Variants in SOCS5 observed in about 807,000 individuals in gnomAD.
SOCS5 encodes suppressor of cytokine signaling 5.
In SOCS5, 32 loss-of-function variants were observed where a neutral mutation model predicts 42.8. The ratio of observed to expected loss-of-function variants is 0.75; its 90% CI spans 0.56 to 1.01. The LOEUF (loss-of-function observed/expected upper bound fraction) is 1.01. SOCS5 is among the 50% of genes least tolerant of loss of function. The pLI, the probability that SOCS5 is intolerant of heterozygous loss-of-function variation, is 0.00. For missense variants in SOCS5, 627 were observed against 653.0 expected (o/e 0.96, Z 0.43); for synonymous variants, 283 against 229.6 (o/e 1.23, Z -2.10).
At chr2:46,734,693 C>G (rs1160615096) in intron 1 of SOCS5, among the ~76,000 whole-genome samples, 1 of 152,014 alleles carries the variant, frequency 6.6e-6, no homozygotes. Flanking sequence ...TCCTGAACCC[C>G]TGTCCTCATC....
intron 1 of SOCS5, among the ~76,000 whole-genome samples, chr2:46,712,449 T>G (rs142465109): frequency 0.032 from 4,766 of 150,814 alleles, 128 homozygotes; most frequent in South Asian, 0.076. Context: ...GTTCAAGCGA[T>G]TCTTCTGCCT....
chr2:46,713,215 G>A (rs903523567), intron 1 of SOCS5, among the ~76,000 whole-genome samples: 2 of 152,082 alleles, frequency 1.3e-5, no homozygotes, highest in African/African-American at 4.8e-5. Flanking sequence ...AACTAGCCAG[G>A]CCTGGTGGCG....
At chr2:46,723,276 T>C (rs1239345060) in intron 1 of SOCS5, among the ~76,000 whole-genome samples, 1 of 152,104 alleles carries the variant, frequency 6.6e-6, no homozygotes, top group Non-Finnish European at 1.5e-5. Flanking sequence ...GAAAGTTTTA[T>C]AGGTTGGCAT....
At chr2:46,737,709 A>G (rs1243007672) in intron 1 of SOCS5, among the ~76,000 whole-genome samples, 1 of 152,176 alleles carries the variant, frequency 6.6e-6, no homozygotes, top group African/African-American at 2.4e-5. Context: ...ACGCTTTCCC[A>G]TTGAAGCTGA....
intron 1 of SOCS5, among the ~76,000 whole-genome samples, chr2:46,704,909 C>G (rs1457298989): frequency 6.6e-6 from 1 of 152,068 alleles, no homozygotes; most frequent in Admixed American, 6.5e-5. Flanking sequence ...TGAGGGTTGG[C>G]ACTTTCAACT....
intron 1 of SOCS5, among the ~76,000 whole-genome samples, chr2:46,721,429 T>G (rs1023948867): frequency 3.9e-5 from 6 of 152,278 alleles, no homozygotes; most frequent in African/African-American, 1.4e-4. Flanking sequence ...TTGTTATCAG[T>G]TTTTTAATTG....
At position 46,759,568 on chromosome 2, in the gene SOCS5, C is replaced by G. The variant is rs566148093; in HGVS notation, c.1038C>G (p.Asp346Glu). The G allele has an allele frequency of 4.3e-6, 7 of 1,613,960 alleles. No individual in the cohort carries two copies. The South Asian group carries it at 6.6e-5, about 15-fold the overall frequency. Residue 346 changes from aspartate (D) to glutamate (E), a missense_variant, in exon 2 of 2, where the codon GAC becomes GAG. Coordinates refer to ENST00000394861, the MANE Select transcript of SOCS5 (RefSeq NM_144949.3). ...RRQKQRQISG[D>E]SHTHVSRQGA... ...AGAAGCAGCGTCAGATATCTGGAGA[C>G]AGCCATACCCATGTTAGCAGACAGG...
At chr2:46,742,884 T>A (rs989058545) in intron 1 of SOCS5, among the ~76,000 whole-genome samples, 3 of 152,150 alleles carry the variant, frequency 2.0e-5, no homozygotes, top group Non-Finnish European at 4.4e-5. Flanking sequence ...CAGGCTAGTC[T>A]AGAACTCCTG....
chr2:46,747,246 G>C (rs1673523110), intron 1 of SOCS5, among the ~76,000 whole-genome samples: 1 of 151,734 alleles, frequency 6.6e-6, no homozygotes, highest in South Asian at 2.1e-4. Context: ...TTTGAGACAG[G>C]ATTTTGCTCT....
intron 1 of SOCS5, among the ~76,000 whole-genome samples, chr2:46,712,501 G>A (rs111508371): frequency 2.6e-5 from 4 of 152,042 alleles, no homozygotes; most frequent in African/African-American, 7.2e-5. Context: ...GTGCCACCAC[G>A]CCCAGATAAT....
intron 1 of SOCS5, among the ~76,000 whole-genome samples, chr2:46,742,517 CTTTG>C (rs1228829814): frequency 3.3e-5 from 5 of 151,976 alleles, no homozygotes; most frequent in Non-Finnish European, 5.9e-5. Flanking sequence ...TATCATTTAC[CTTTG>C]TTTATGACAT....
At chr2:46,714,527 G>A (rs755497092) in intron 1 of SOCS5, among the ~76,000 whole-genome samples, 2 of 152,090 alleles carry the variant, frequency 1.3e-5, no homozygotes, top group African/African-American at 2.4e-5. Context: ...TATACTTGAA[G>A]TGGATTTCTT....
In SOCS5 at chr2:46,759,884, G is replaced by A; in HGVS notation, c.1354G>A (p.Val452Ile). 1 of 1,614,132 alleles carries A rather than the reference G, an allele frequency of 6.2e-7. No homozygotes were observed. The highest frequency in any genetic ancestry group is 8.5e-7 in the Non-Finnish European group (1 of 1,180,014). ...HDPCVFHSST[V>I]TGLLEHYKDP... ...CCCGTGTGTATTTCACTCCTCCACT[G>A]TAACGGGACTTTTAGAACATTATAA... Residue 452 changes from valine to isoleucine, a missense_variant, in exon 2 of 2, where the codon GTA (valine) becomes ATA (isoleucine). By Grantham distance (29) the Val-to-Ile change is conservative. Around this residue, in one of 3 missense-constraint regions of SOCS5, gnomAD observed 340 missense variants for 367.6 expected, o/e 0.92. Coordinates refer to ENST00000394861, the MANE Select transcript of SOCS5 (RefSeq NM_144949.3).
intron 1 of SOCS5, among the ~76,000 whole-genome samples, chr2:46,736,037 T>TC (rs1022027586): frequency 6.6e-6 from 1 of 150,780 alleles, no homozygotes; most frequent in Non-Finnish European, 1.5e-5. Flanking sequence ...TACCTCTCTT[T>TC]CCCCCTCTCT....
rs1237947393 is a variant in SOCS5, at chr2:46,716,135, A to C, written c.-13+16686A>C. 4.2e-5 allele frequency among the ~76,000 whole-genome samples: 6 copies of C among 144,000 alleles called. No homozygotes were observed. In the East Asian group the frequency reaches 1.3e-3, roughly 30 times the overall value. 94.5% of individuals were successfully genotyped at this position (144,000 alleles called of 152,430 possible). A position where few individuals can be genotyped will look rare whatever the true frequency, so the allele number is the denominator to read the frequency against. ...CCTTTTTTTTTTTTTTAGTTCTAGA[A>C]GTTCTCTTACACATGTTTGGTTTCC... On this transcript the variant is annotated intron_variant, in intron 1 of 1. Transcript: ENST00000394861.
At chr2:46,721,445 AATTTTAC>A (rs1456102767) in intron 1 of SOCS5, among the ~76,000 whole-genome samples, 2 of 152,206 alleles carry the variant, frequency 1.3e-5, no homozygotes, top group Non-Finnish European at 2.9e-5. Context: ...AATTGCACCA[AATTTTAC>A]ATTTTAGCAT....
chr2:46,704,299 C>G (rs2103687529), intron 1 of SOCS5, among the ~76,000 whole-genome samples: 1 of 152,174 alleles, frequency 6.6e-6, no homozygotes, highest in South Asian at 2.1e-4. Context: ...TGAGCAGTAT[C>G]CTTGAGTTAG....
rs1267093802 is a variant in SOCS5 at position 46,761,185 on chromosome 2, A to C, written c.*1044A>C. On this transcript the variant is annotated 3_prime_UTR_variant, in exon 2 of 2. Coordinates refer to ENST00000394861, the MANE Select transcript of SOCS5 (RefSeq NM_144949.3). ...ATGGAAAATCTGAAACCTAAATTGC[A>C]GATTTAAAAGGTACTGTACAACCAT... 1.2e-5 allele frequency: 2 copies of C among 167,146 alleles called. No individual in the cohort carries two copies. The highest frequency in any genetic ancestry group is 4.8e-5 in the African/African-American group (2 of 41,476). The allele number at this position is 167,146 out of a possible 1,614,324, so 10.4% of individuals were successfully genotyped here. A position where few individuals can be genotyped will look rare whatever the true frequency, so the allele number is the denominator to read the frequency against.
chr2:46,753,865 G>A (rs1161920981), intron 1 of SOCS5, among the ~76,000 whole-genome samples: 9 of 152,196 alleles, frequency 5.9e-5, no homozygotes, highest in Admixed American at 5.9e-4. Flanking sequence ...GCTGGTGGGA[G>A]TGTCTTTTAA....
Sources: gnomAD v4.1 joint callset for allele counts (sites outside exome capture counted in the v4.1 genomes callset) on GRCh38, gnomAD v4.1.1 for gene constraint, gnomAD v4.1.1 regional missense constraint, MANE v1.5 for transcripts, NCBI Gene and HGNC (gene_info 2026-07-23, HGNC 2026-07-21) for gene names.